LAMC1: variants seen among roughly 807,000 people sequenced by gnomAD.
The protein encoded by LAMC1 is laminin subunit gamma 1.
In LAMC1, 38 loss-of-function variants were observed where a neutral mutation model predicts 173.6. The ratio of observed to expected loss-of-function variants is 0.22; its 90% CI spans 0.17 to 0.29. LAMC1 has a LOEUF of 0.29. LAMC1 is among the 10% of genes least tolerant of loss of function. LAMC1 has a pLI of 1.00. For missense variants in LAMC1, 1,824 were observed against 2,051.8 expected (o/e 0.89, Z 2.14); for synonymous variants, 746 against 749.1 (o/e 1.00, Z 0.07).
chr1:183,135,143 C>A lies in LAMC1; in HGVS notation c.4101C>A (p.Leu1367=). 1.2e-6 allele frequency: 2 copies of A among 1,609,604 alleles called. No individual in the cohort carries two copies. Among genetic ancestry groups the A allele is most frequent in the Non-Finnish European group, 1.7e-6 (2 of 1,175,992 alleles). ...RDTLQEANDI[L]NNLKDFDRRV... ...CCTTACAAGAAGCTAATGACATTCT[C>A]AACAACCTGAAAGGTAGAAAAGGCT... is the stretch of plus-strand genomic sequence containing the variant. Residue 1367 remains leucine, a synonymous_variant, in exon 24 of 28, where the codon CTC becomes CTA. Coordinates refer to ENST00000258341, the MANE Select transcript of LAMC1 (RefSeq NM_002293.4).
At chr1:183,134,606 T>C in intron 22 of LAMC1, 54 bp from the exon 23 acceptor site, 1 of 1,448,190 alleles carries the variant, frequency 6.9e-7, no homozygotes, top group Non-Finnish European at 9.5e-7. Context: ...GCCTACCTTT[T>C]CATTAGTTTA....
chr1:183,060,386 CAAAAA>C (rs1383454028), intron 1 of LAMC1, among the ~76,000 whole-genome samples: 1 of 136,662 alleles, frequency 7.3e-6, no homozygotes, highest in Non-Finnish European at 1.6e-5. Context: ...GACCCCATCT[CAAAAA>C]AGAAAAAAAA....
At chr1:183,117,827 T>C (rs1656365074) in intron 10 of LAMC1, 104 bp downstream of exon 10, 1 of 1,036,486 alleles carries the variant, frequency 9.6e-7, no homozygotes, top group South Asian at 1.6e-5. Flanking sequence ...GAAAAACTTC[T>C]GGGTTATTGT....
intron 13 of LAMC1, among the ~76,000 whole-genome samples, chr1:183,122,539 A>G (rs1199009568): frequency 6.6e-6 from 1 of 152,008 alleles, no homozygotes; most frequent in African/African-American, 2.4e-5. Context: ...TTCTATATCT[A>G]TGATAGCTAA....
At chr1:183,098,522 G>A (rs1419964857) in intron 1 of LAMC1, among the ~76,000 whole-genome samples, 1 of 152,156 alleles carries the variant, frequency 6.6e-6, no homozygotes, top group Non-Finnish European at 1.5e-5. Flanking sequence ...CAAAGGCATG[G>A]CCTCCTGCTC....
chr1:183,124,032 C>CTCT (rs1226327622), intron 13 of LAMC1, among the ~76,000 whole-genome samples: 1 of 152,160 alleles, frequency 6.6e-6, no homozygotes, highest in Non-Finnish European at 1.5e-5. Context: ...CTCTACCTGT[C>CTCT]ACTTCTTTGG....
At chr1:183,026,670 A>G (rs1653695768) in intron 1 of LAMC1, among the ~76,000 whole-genome samples, 2 of 152,220 alleles carry the variant, frequency 1.3e-5, no homozygotes, top group African/African-American at 4.8e-5. Flanking sequence ...GTGCTTTGCT[A>G]TTACAGAGCA....
At chr1:183,028,350 T>A (rs1653749275) in intron 1 of LAMC1, among the ~76,000 whole-genome samples, 1 of 152,224 alleles carries the variant, frequency 6.6e-6, no homozygotes. Context: ...TACATACCAC[T>A]GTACCTGATA....
chr1:183,039,930 A>G (rs993676327), intron 1 of LAMC1, among the ~76,000 whole-genome samples: 1 of 152,204 alleles, frequency 6.6e-6, no homozygotes, highest in East Asian at 1.9e-4. Flanking sequence ...GAAATAGAAT[A>G]GGTATTAAAT....
intron 1 of LAMC1, among the ~76,000 whole-genome samples, chr1:183,055,924 T>C (rs1054067397): frequency 1.3e-5 from 2 of 152,178 alleles, no homozygotes; most frequent in African/African-American, 4.8e-5. Flanking sequence ...AAATTGAGGG[T>C]GTAGCTGGGG....
chr1:183,134,887 C>T (rs1656894775), intron 23 of LAMC1, 78 bp downstream of exon 23: 1 of 1,455,022 alleles, frequency 6.9e-7, no homozygotes, highest in Admixed American at 1.8e-5. Context: ...TGATGCCGTA[C>T]TTTCAGAGAC....
chr1:183,055,106 A>G (rs1654550389), intron 1 of LAMC1, among the ~76,000 whole-genome samples: 1 of 150,842 alleles, frequency 6.6e-6, no homozygotes, highest in African/African-American at 2.4e-5. Flanking sequence ...CTCCTGCCTC[A>G]GCCTCCCGAG....
chr1:183,097,304 T>C (rs562804149), intron 1 of LAMC1, among the ~76,000 whole-genome samples: 3 of 152,324 alleles, frequency 2.0e-5, no homozygotes, highest in Admixed American at 1.3e-4. Context: ...TATTAAAGTT[T>C]TATATGCCTA....
chr1:183,031,031 A>G (rs1395262783), intron 1 of LAMC1, among the ~76,000 whole-genome samples: 1 of 152,196 alleles, frequency 6.6e-6, no homozygotes, highest in Non-Finnish European at 1.5e-5. Flanking sequence ...TCACATGTAC[A>G]TTGTTGAAAT....
chr1:183,075,170 G>A (rs899998079), intron 1 of LAMC1, among the ~76,000 whole-genome samples: 27 of 149,516 alleles, frequency 1.8e-4, no homozygotes, highest in Non-Finnish European at 3.7e-4. Flanking sequence ...CTGTTGCCCA[G>A]GCTGGAGTGT....
At chr1:183,098,257 CAGGTAG>C (rs1655744524) in intron 1 of LAMC1, among the ~76,000 whole-genome samples, 1 of 152,198 alleles carries the variant, frequency 6.6e-6, no homozygotes, top group Non-Finnish European at 1.5e-5. Context: ...TGGTAACCCT[CAGGTAG>C]AGCTATTTAA....
intron 1 of LAMC1, among the ~76,000 whole-genome samples, chr1:183,079,833 G>T (rs537312973): frequency 1.7e-4 from 26 of 152,302 alleles, no homozygotes; most frequent in African/African-American, 6.0e-4. Flanking sequence ...AGCATTATTA[G>T]ATTACACAGA....
intron 11 of LAMC1, among the ~76,000 whole-genome samples, chr1:183,119,231 G>A (rs1368957895): frequency 6.6e-6 from 1 of 152,078 alleles, no homozygotes; most frequent in Admixed American, 6.6e-5. Context: ...TTTTAAACAA[G>A]GACCTTTTTC....
intron 1 of LAMC1, among the ~76,000 whole-genome samples, chr1:183,067,037 C>T (rs1654892384): frequency 6.6e-6 from 1 of 152,144 alleles, no homozygotes. Flanking sequence ...GTGTTTTAGT[C>T]ATTGGTATAT....
Sources: gnomAD v4.1 joint callset for allele counts (sites outside exome capture counted in the v4.1 genomes callset) on GRCh38, gnomAD v4.1.1 for gene constraint, MANE v1.5 for transcripts, NCBI Gene and HGNC (gene_info 2026-07-23, HGNC 2026-07-21) for gene names.